Variants in SRGAP3 observed in about 807,000 individuals in gnomAD.
The protein encoded by SRGAP3 is SLIT-ROBO Rho GTPase activating protein 3.
SRGAP3 carries 39 observed loss-of-function variants against 121.1 expected under a neutral mutation model. The observed-to-expected ratio is 0.32, with a 90% CI of 0.25 to 0.42. The LOEUF is 0.42. SRGAP3 is among the 10% of genes least tolerant of loss of function. The probability of loss-of-function intolerance (pLI) is 1.00; values close to 1 mark genes in which losing one functional copy is unlikely to be tolerated. For missense variants in SRGAP3, 1,213 were observed against 1,470.6 expected (o/e 0.82, Z 2.86); for synonymous variants, 601 against 570.0 (o/e 1.05, Z -0.77).
intron 1 of SRGAP3, among the ~76,000 whole-genome samples, chr3:9,186,440 C>T (rs1042461976): frequency 6.6e-5 from 10 of 152,148 alleles, no homozygotes; most frequent in African/African-American, 2.4e-4. Flanking sequence ...ATAACAGCAC[C>T]TGGGACGCTC....
chr3:9,195,932 G>A (rs1951901869), intron 1 of SRGAP3, among the ~76,000 whole-genome samples: 1 of 152,074 alleles, frequency 6.6e-6, no homozygotes, highest in African/African-American at 2.4e-5. Flanking sequence ...CTCCAACCTG[G>A]GTGATAGAGC....
At chr3:9,305,832 C>T (rs1206872753) in intron 3 of SRGAP3, among the ~76,000 whole-genome samples, 2 of 152,128 alleles carry the variant, frequency 1.3e-5, no homozygotes, top group Non-Finnish European at 2.9e-5. Context: ...GGGCTGGTTC[C>T]AAGTCTTTGC....
intron 1 of SRGAP3, among the ~76,000 whole-genome samples, chr3:9,200,434 G>A (rs1354460182): frequency 6.6e-6 from 1 of 152,098 alleles, no homozygotes; most frequent in Non-Finnish European, 1.5e-5. Flanking sequence ...CAAGCTCCCA[G>A]CCAAAAAGGA....
In SRGAP3 at chr3:9,013,739, G is replaced by A. The variant is rs149823029; in HGVS notation, c.1917C>T (p.Asn639=). ...GGGCCCCTTGGCCAGACACTCACTGGTTGAGGAAAGCGAAGAGGTATCTCA... is the reference window on the plus strand; with the variant it reads ...GGGCCCCTTGGCCAGACACTCACTGATTGAGGAAAGCGAAGAGGTATCTCA... ...VVMRYLFAFL[N]HLSQYSDENM... The change falls in exon 16 of 22, where the codon AAC becomes AAT. Residue 639 remains asparagine, a splice_region_variant and synonymous_variant. Coordinates refer to ENST00000383836, the MANE Select transcript of SRGAP3 (RefSeq NM_014850.4). 12 of 1,614,072 alleles carry A rather than the reference G, an allele frequency of 7.4e-6. No individual in the cohort carries two copies. In the African/African-American group the frequency reaches 1.6e-4, roughly 22 times the overall value.
At chr3:9,252,450 G>A (rs913055030), upstream of SRGAP3, among the ~76,000 whole-genome samples, 2 of 151,198 alleles carry the variant, frequency 1.3e-5, no homozygotes, top group East Asian at 3.9e-4. Flanking sequence ...CCAGCCCCAG[G>A]TATTCCTTTA....
intron 1 of SRGAP3, among the ~76,000 whole-genome samples, chr3:9,140,122 TAC>T (rs35572227): frequency 0.035 from 4,962 of 139,780 alleles, 226 homozygotes; most frequent in African/African-American, 0.11. Context: ...CTCAGAGGCA[TAC>T]ACACACACAC....
rs532984541 is a variant in SRGAP3 at position 9,276,839 on chromosome 3, T to C, written n.442+49171A>G. ...ACTGCTTCAATTCTATCCTAAATAC[T>C]GGATGCTAAGGTCTCCAAAGAAATG... On this transcript the variant is annotated intron_variant and non_coding_transcript_variant, in intron 3 of 3. Transcript: ENST00000490889. Among the ~76,000 whole-genome samples, 8 of 152,364 alleles carry C rather than the reference T, an allele frequency of 5.3e-5. 1 individual carries two copies. Among genetic ancestry groups the C allele is most frequent in the African/African-American group, 1.9e-4 (8 of 41,592 alleles).
intron 14 of SRGAP3, among the ~76,000 whole-genome samples, chr3:9,022,258 G>T (rs1341355745): frequency 1.3e-5 from 2 of 152,212 alleles, no homozygotes; most frequent in African/African-American, 2.4e-5. Flanking sequence ...AACCTGGGAG[G>T]CGGAGGTTGC....
chr3:9,005,684 T>C (rs1380323331), intron 18 of SRGAP3, among the ~76,000 whole-genome samples: 3 of 152,166 alleles, frequency 2.0e-5, no homozygotes, highest in African/African-American at 4.8e-5. Context: ...ATTCCATTTA[T>C]ATAAAATGTC....
intron 1 of SRGAP3, among the ~76,000 whole-genome samples, chr3:9,211,439 G>A (rs961786003): frequency 6.6e-6 from 1 of 152,160 alleles, no homozygotes; most frequent in African/African-American, 2.4e-5. Flanking sequence ...TGAAGCTGGG[G>A]AGAAAGAGGG....
In SRGAP3 at chr3:9,124,710, T is replaced by C. The variant is rs761903251; in HGVS notation, c.260+15A>G. 6.8e-6 allele frequency: 11 copies of C among 1,613,622 alleles called. No individual in the cohort carries two copies. In the African/African-American group the frequency reaches 9.3e-5, roughly 14 times the overall value. On this transcript the variant is annotated intron_variant, in intron 2 of 21. Transcript: ENST00000383836. ...GCTGCCTCCCATCTCTGTGCACCCA[T>C]ACCCAACTTCTTACTTGAACTGGTG...
chr3:9,145,910 C>G (rs1950007997), intron 1 of SRGAP3, among the ~76,000 whole-genome samples: 1 of 152,188 alleles, frequency 6.6e-6, no homozygotes, highest in Non-Finnish European at 1.5e-5. Context: ...TGTTCAGGGA[C>G]TGGCGAGGGG....
chr3:9,348,523 C>A, intron 1 of SRGAP3: 2 of 754,740 alleles, frequency 2.6e-6, no homozygotes, highest in Non-Finnish European at 4.9e-6. Context: ...GCTGGTACAA[C>A]ACCGACCTGA....
chr3:9,032,579 G>A, intron 12 of SRGAP3, 71 bp downstream of exon 12: 1 of 1,379,580 alleles, frequency 7.2e-7, no homozygotes, highest in South Asian at 1.2e-5. Flanking sequence ...TCTGCTGGCA[G>A]GGAGGCGGGC....
At chr3:9,136,332 G>A (rs977774590) in intron 1 of SRGAP3, among the ~76,000 whole-genome samples, 15 of 151,870 alleles carry the variant, frequency 9.9e-5, no homozygotes, top group Admixed American at 3.9e-4. Context: ...CGGGGCTGGA[G>A]GCAGCAGATG....
intron 3 of SRGAP3, among the ~76,000 whole-genome samples, chr3:9,257,220 T>A (rs1954150428): frequency 6.6e-6 from 1 of 152,198 alleles, no homozygotes; most frequent in African/African-American, 2.4e-5. Flanking sequence ...GGGTTGAAAT[T>A]CTTACTCTCG....
At chr3:9,129,595 A>T (rs1272532707) in intron 1 of SRGAP3, among the ~76,000 whole-genome samples, 7 of 151,758 alleles carry the variant, frequency 4.6e-5, no homozygotes, top group Non-Finnish European at 1.0e-4. Flanking sequence ...CGTACAGCAA[A>T]TCTCAGATTG....
chr3:9,348,383 G>T, intron 1 of SRGAP3: 1 of 515,840 alleles, frequency 1.9e-6, no homozygotes, highest in South Asian at 2.1e-5. Context: ...CATTTAAAAA[G>T]ACAAATGTGC....
At chr3:9,069,315 C>T (rs1047651678) in intron 4 of SRGAP3, among the ~76,000 whole-genome samples, 1 of 152,132 alleles carries the variant, frequency 6.6e-6, no homozygotes, top group Non-Finnish European at 1.5e-5. Flanking sequence ...GGGGAAAGTG[C>T]TGTCAACTGC....
Sources: gnomAD v4.1 joint callset for allele counts (sites outside exome capture counted in the v4.1 genomes callset) on GRCh38, gnomAD v4.1.1 for gene constraint, MANE v1.5 for transcripts, NCBI Gene and HGNC (gene_info 2026-07-23, HGNC 2026-07-21) for gene names.